The following CEP83 variants were observed in gnomAD, a reference collection of about 807,000 sequenced individuals.
CEP83 encodes the protein centrosomal protein of 83 kDa.
Under a neutral mutation model 101.9 loss-of-function variants are expected in CEP83, and 70 were observed. The ratio of observed to expected loss-of-function variants is 0.69; its 90% CI spans 0.57 to 0.84. The LOEUF (loss-of-function observed/expected upper bound fraction) is 0.84. Among genes scored for constraint, CEP83 ranks in the 40% least tolerant of loss-of-function variants. The pLI, the probability that CEP83 is intolerant of heterozygous loss-of-function variation, is 0.00. For synonymous variants in CEP83, 264 were observed against 267.9 expected (o/e 0.99, Z 0.14); for missense variants, 715 against 787.2 (o/e 0.91, Z 1.10).
the CEP83 span, chr12:94,279,725 C>A: frequency 1.5e-5 from 18 of 1,223,762 alleles, no homozygotes; most frequent in Non-Finnish European, 2.1e-5. Context: ...TCCCTGTCCC[C>A]CCTCCCTGCC....
chr12:94,334,912 A>G (rs976533083), intron 12 of CEP83, among the ~76,000 whole-genome samples: 1 of 152,154 alleles, frequency 6.6e-6, no homozygotes, highest in African/African-American at 2.4e-5. Context: ...TGCCAATGAT[A>G]CTAAATAACT....
intron 11 of CEP83, among the ~76,000 whole-genome samples, chr12:94,344,381 AT>A (rs1205560990): frequency 6.6e-6 from 1 of 152,198 alleles, no homozygotes. Flanking sequence ...GTAAAATTAA[AT>A]TCTCAACTCA....
chr12:94,321,611 T>G (rs1442459720), intron 14 of CEP83, among the ~76,000 whole-genome samples: 2 of 152,158 alleles, frequency 1.3e-5, no homozygotes, highest in African/African-American at 2.4e-5. Flanking sequence ...AAGTGAGGAC[T>G]GGGACTTGCA....
chr12:94,419,762 TA>T (rs2137948936), intron 2 of CEP83, among the ~76,000 whole-genome samples: 1 of 152,132 alleles, frequency 6.6e-6, no homozygotes, highest in South Asian at 2.1e-4. Flanking sequence ...GAGTCTTCAA[TA>T]AAGGCCACTG....
At chr12:94,362,490 T>C (rs535679457) in intron 11 of CEP83, among the ~76,000 whole-genome samples, 3 of 151,992 alleles carry the variant, frequency 2.0e-5, no homozygotes, top group Non-Finnish European at 4.4e-5. Context: ...ATCAATAAAT[T>C]AGCCAGGCAT....
chr12:94,449,632 G>T (rs1270423514), intron 1 of CEP83, among the ~76,000 whole-genome samples: 1 of 150,808 alleles, frequency 6.6e-6, no homozygotes, highest in East Asian at 1.9e-4. Context: ...AAATAGCCAG[G>T]TGTGGTGGCA....
chr12:94,287,474 G>A, the CEP83 span, among the ~76,000 whole-genome samples: 6 of 152,122 alleles, frequency 3.9e-5, no homozygotes, highest in South Asian at 2.1e-4. Flanking sequence ...TGGCTGGGCC[G>A]AGTTATTGCA....
chr12:94,356,399 A>G (rs1189438006), intron 11 of CEP83, among the ~76,000 whole-genome samples: 1 of 152,160 alleles, frequency 6.6e-6, no homozygotes, highest in Non-Finnish European at 1.5e-5. Context: ...GCACCCCCTC[A>G]TTATTTTTTG....
the CEP83 span, among the ~76,000 whole-genome samples, chr12:94,285,793 G>C: frequency 6.6e-6 from 1 of 152,168 alleles, no homozygotes; most frequent in Admixed American, 6.5e-5. Flanking sequence ...TGGGTGGCAG[G>C]CTTGTCTTGA....
intron 2 of CEP83, among the ~76,000 whole-genome samples, chr12:94,429,539 G>A (rs2065461059): frequency 6.6e-6 from 1 of 152,118 alleles, no homozygotes; most frequent in African/African-American, 2.4e-5. Flanking sequence ...CACATCCCTG[G>A]AGTCCCACTG....
At chr12:94,294,362 C>G in the CEP83 span, 1 of 576,830 alleles carries the variant, frequency 1.7e-6, no homozygotes, top group Non-Finnish European at 3.2e-6. Context: ...CATAGTAATT[C>G]TTGATAAATA....
At chr12:94,307,312 T>G (rs891424278), downstream of CEP83, 8 of 152,176 alleles carry the variant, frequency 5.3e-5, no homozygotes, top group African/African-American at 1.7e-4. Context: ...TGTTTGTCAA[T>G]CCTCCAGTGA....
At chr12:94,364,373 G>GA (rs2060919750) in intron 11 of CEP83, among the ~76,000 whole-genome samples, 1 of 152,052 alleles carries the variant, frequency 6.6e-6, no homozygotes, top group African/African-American at 2.4e-5. Context: ...AAGTTGATAT[G>GA]AAAAAACAAA....
At chr12:94,304,459 A>G (rs75794238), downstream of CEP83, 445 of 158,384 alleles carry the variant, frequency 2.8e-3, 1 homozygote, top group African/African-American at 9.7e-3. Context: ...TTTCTAACTT[A>G]AGCGACTATT....
chr12:94,330,226 T>G (rs1440579424), intron 14 of CEP83, among the ~76,000 whole-genome samples: 4 of 152,054 alleles, frequency 2.6e-5, no homozygotes, highest in African/African-American at 9.7e-5. Flanking sequence ...TTAGGGGAAT[T>G]TATCAAATGA....
At chr12:94,375,021 T>C (rs1352877666) in intron 8 of CEP83, among the ~76,000 whole-genome samples, 3 of 152,104 alleles carry the variant, frequency 2.0e-5, no homozygotes, top group Non-Finnish European at 2.9e-5. Context: ...AATTTATTCA[T>C]TGAAGAAATA....
chr12:94,381,621 T>C (rs569593630), intron 6 of CEP83, among the ~76,000 whole-genome samples: 1 of 152,252 alleles, frequency 6.6e-6, no homozygotes, highest in African/African-American at 2.4e-5. Flanking sequence ...CTTTACGATA[T>C]AACATAGGGA....
At chr12:94,432,516 G>A (rs1405323041) in intron 2 of CEP83, among the ~76,000 whole-genome samples, 1 of 152,112 alleles carries the variant, frequency 6.6e-6, no homozygotes. Flanking sequence ...AATATCACAT[G>A]TACTCATGTG....
At chr12:94,271,470 G>A in the CEP83 span, among the ~76,000 whole-genome samples, 103 of 152,334 alleles carry the variant, frequency 6.8e-4, no homozygotes, top group Non-Finnish European at 1.0e-3. Context: ...GTGACGGGAC[G>A]ATGGGTAAAA....
Sources: allele counts gnomAD v4.1 joint callset (sites outside exome capture counted in the v4.1 genomes callset), GRCh38; gene constraint gnomAD v4.1.1; transcripts MANE v1.5; gene names NCBI Gene and HGNC (gene_info 2026-07-23, HGNC 2026-07-21).